TOX: variants seen among roughly 807,000 people sequenced by gnomAD.
TOX encodes the protein thymocyte selection associated high mobility group box.
TOX carries 11 observed loss-of-function variants against 53.7 expected under a neutral mutation model. The ratio of observed to expected loss-of-function variants is 0.20; its 90% CI spans 0.13 to 0.34. TOX has a LOEUF of 0.34. Ranked by LOEUF, TOX falls within the 10% of genes least tolerant of loss-of-function variation. The pLI, the probability that TOX is intolerant of heterozygous loss-of-function variation, is 1.00. For missense variants in TOX, 570 were observed against 664.6 expected, an observed-to-expected ratio of 0.86 and a Z score of 1.56; for synonymous variants, 225 against 245.3, an observed-to-expected ratio of 0.92 and a Z score of 0.77.
chr8:59,023,371 A>G (rs1220153729), intron 1 of TOX, among the ~76,000 whole-genome samples: 1 of 11,028 alleles, frequency 9.1e-5, no homozygotes, highest in African/African-American at 2.1e-4. Context: ...CTAATTTTCA[A>G]TATTTGAGAA....
intron 1 of TOX, among the ~76,000 whole-genome samples, chr8:59,095,565 C>T (rs150204497): frequency 3.9e-4 from 60 of 152,226 alleles, no homozygotes; most frequent in African/African-American, 1.4e-3. Context: ...CACCACCATG[C>T]CCGGCTAATT....
chr8:58,938,726 G>A (rs1298834821), intron 3 of TOX, among the ~76,000 whole-genome samples: 2 of 152,178 alleles, frequency 1.3e-5, no homozygotes, highest in African/African-American at 4.8e-5. Context: ...AAAATTAATG[G>A]GAATTCATAG....
chr8:58,816,127 T>C (rs1392185272), intron 6 of TOX, among the ~76,000 whole-genome samples: 1 of 152,210 alleles, frequency 6.6e-6, no homozygotes, highest in East Asian at 1.9e-4. Flanking sequence ...CTATAGATTA[T>C]AGGTTTAGTT....
At chr8:59,027,378 A>G (rs569020449) in intron 1 of TOX, among the ~76,000 whole-genome samples, 59 of 152,276 alleles carry the variant, frequency 3.9e-4, no homozygotes, top group Non-Finnish European at 8.2e-4. Context: ...AGATTTGCAG[A>G]CATTTTTGCA....
intron 1 of TOX, among the ~76,000 whole-genome samples, chr8:59,075,759 A>G (rs1321016528): frequency 1.3e-5 from 2 of 152,170 alleles, no homozygotes; most frequent in Non-Finnish European, 2.9e-5. Flanking sequence ...ATGAGGGCAA[A>G]GGGAGAGAGA....
chr8:58,846,573 A>T (rs1810722519), intron 4 of TOX, among the ~76,000 whole-genome samples: 1 of 152,140 alleles, frequency 6.6e-6, no homozygotes, highest in Admixed American at 6.6e-5. Flanking sequence ...TGCTCTAGTG[A>T]TTTATCCTAT....
At chr8:59,015,340 T>C (rs755244148) in intron 1 of TOX, among the ~76,000 whole-genome samples, 3 of 152,332 alleles carry the variant, frequency 2.0e-5, no homozygotes, top group Non-Finnish European at 4.4e-5. Flanking sequence ...CTCAAACATA[T>C]AGCTGAATAA....
chr8:58,949,581 T>C (rs1014098506), intron 2 of TOX, among the ~76,000 whole-genome samples: 10 of 152,182 alleles, frequency 6.6e-5, no homozygotes, highest in African/African-American at 2.4e-4. Context: ...ATAGAACTAG[T>C]TGGGCAGATG....
intron 1 of TOX, among the ~76,000 whole-genome samples, chr8:58,974,641 C>T (rs1036223022): frequency 6.6e-6 from 1 of 151,834 alleles, no homozygotes; most frequent in African/African-American, 2.4e-5. Context: ...CTGTATTACA[C>T]AAACTTTGGA....
Position 58,851,152 on chromosome 8 carries a change from C to CTCTCTG in TOX, c.693+366_693+371dup, listed in dbSNP as rs1360862535. On this transcript the variant is annotated intron_variant, in intron 4 of 8. Transcript: ENST00000361421. The surrounding 1 kb of genome is among the most constrained non-coding windows in gnomAD (Gnocchi z 4.4). The stretch of plus-strand genomic sequence containing the variant: ...CATCATCACCATACATCTCCTCTCT[C>CTCTCTG]TCTCTGTCTCTCTCTCTCTCTCTCT... 8.4e-5 allele frequency among the ~76,000 whole-genome samples: 11 copies of CTCTCTG among 130,702 alleles called. No individual in the cohort carries two copies. The highest frequency in any genetic ancestry group is 1.6e-4 in the Non-Finnish European group (10 of 63,932). 85.7% of individuals were successfully genotyped at this position (130,702 alleles called of 152,430 possible). A position where few individuals can be genotyped will look rare whatever the true frequency, so the allele number is the denominator to read the frequency against.
Position 58,815,440 on chromosome 8 carries a change from A to G in TOX, c.1290T>C (p.His430=), listed in dbSNP as rs745945088. 6 of 1,613,944 alleles carry G rather than the reference A, an allele frequency of 3.7e-6. No homozygotes were observed. In the African/African-American group the frequency reaches 8.0e-5, roughly 22 times the overall value. The part of the protein sequence containing the change: ...PLQISPPLHQ[H]LNMQQHQPLT... ...GCGGCTGGTGCTGCTGCATGTTGAG[A>G]TGCTGGTGAAGAGGCGGGCTGATCT... Residue 430 remains histidine, a synonymous_variant, in exon 7 of 9, where the codon CAT becomes CAC. Transcript: ENST00000361421.
chr8:58,868,409 T>C (rs764925703), intron 3 of TOX, among the ~76,000 whole-genome samples: 1 of 152,182 alleles, frequency 6.6e-6, no homozygotes, highest in Non-Finnish European at 1.5e-5. Context: ...GGTGGACTAA[T>C]GAGAAAGTTA....
At chr8:58,884,169 T>C (rs544360320) in intron 3 of TOX, among the ~76,000 whole-genome samples, 23 of 152,310 alleles carry the variant, frequency 1.5e-4, no homozygotes, top group African/African-American at 5.1e-4. Context: ...TTCACCAGCA[T>C]TTTAATAGGT....
intron 1 of TOX, among the ~76,000 whole-genome samples, chr8:59,111,030 T>C (rs561643916): frequency 6.6e-6 from 1 of 152,150 alleles, no homozygotes; most frequent in Non-Finnish European, 1.5e-5. Flanking sequence ...TTGATACAAA[T>C]ATATTTTCTC....
chr8:59,065,875 G>A (rs1333358781), intron 1 of TOX, among the ~76,000 whole-genome samples: 1 of 152,064 alleles, frequency 6.6e-6, no homozygotes, highest in Non-Finnish European at 1.5e-5. Flanking sequence ...CAAATAATCA[G>A]ATTAAGTCTC....
At chr8:59,035,910 G>A (rs1175526711) in intron 1 of TOX, among the ~76,000 whole-genome samples, 2 of 152,202 alleles carry the variant, frequency 1.3e-5, no homozygotes, top group Non-Finnish European at 2.9e-5. Flanking sequence ...AAGCTATTGT[G>A]ACAGCACTAT....
At chr8:58,989,033 G>T (rs10087479) in intron 1 of TOX, among the ~76,000 whole-genome samples, 76,346 of 152,070 alleles carry the variant, frequency 0.5, 21,349 homozygotes, top group Non-Finnish European at 0.61. Context: ...CAAAACTTTA[G>T]GCTGGGTGCG....
rs566981023 is a variant in TOX at position 58,969,829 on chromosome 8, T to G, written c.103-9821A>C. On this transcript the variant is annotated intron_variant, in intron 1 of 8. Transcript: ENST00000361421. ...CATGTCAAAGCCAAAACTGGAAGAC[T>G]TGCTGGAAACAGCATGCTTGCTTCT... 3.9e-5 allele frequency among the ~76,000 whole-genome samples: 6 copies of G among 152,352 alleles called. No homozygotes were observed. In the East Asian group the frequency reaches 1.2e-3, roughly 29 times the overall value.
At chr8:59,080,769 C>T (rs1467210090) in intron 1 of TOX, among the ~76,000 whole-genome samples, 1 of 152,102 alleles carries the variant, frequency 6.6e-6, no homozygotes, top group Non-Finnish European at 1.5e-5. Flanking sequence ...ATGTGATGTG[C>T]CTGCTACCAT....
Sources: allele counts gnomAD v4.1 joint callset (sites outside exome capture counted in the v4.1 genomes callset), GRCh38; gene constraint gnomAD v4.1.1; non-coding constraint Gnocchi (gnomAD v3.1); transcripts MANE v1.5; gene names NCBI Gene and HGNC (gene_info 2026-07-23, HGNC 2026-07-21).